Variants in CAB39L observed in about 807,000 individuals in gnomAD.
The protein encoded by CAB39L is calcium binding protein 39 like, also known as calcium-binding protein 39-like.
A neutral mutation model predicts 39.1 loss-of-function variants in CAB39L; 23 were observed. The observed-to-expected ratio is 0.59, with a 90% CI of 0.42 to 0.83. The LOEUF is 0.83. Among genes scored for constraint, CAB39L ranks in the 40% least tolerant of loss-of-function variants. The pLI is 0.00. For missense variants in CAB39L, 366 were observed against 391.9 expected, an observed-to-expected ratio of 0.93 and a Z score of 0.56; for synonymous variants, 126 against 137.2, an observed-to-expected ratio of 0.92 and a Z score of 0.57.
chr13:49,322,751 C>T (rs1189453540), intron 10 of CAB39L, among the ~76,000 whole-genome samples: 2 of 152,200 alleles, frequency 1.3e-5, no homozygotes, highest in Non-Finnish European at 1.5e-5. Flanking sequence ...ACTTCAGACA[C>T]AACCCACTGG....
intron 3 of CAB39L, among the ~76,000 whole-genome samples, chr13:49,402,140 G>A (rs1469647211): frequency 2.0e-5 from 3 of 152,000 alleles, no homozygotes; most frequent in Non-Finnish European, 4.4e-5. Flanking sequence ...TATTGCTGTT[G>A]GAAAGAAGGT....
At chr13:49,376,071 A>T (rs565761764) in intron 5 of CAB39L, among the ~76,000 whole-genome samples, 2 of 152,332 alleles carry the variant, frequency 1.3e-5, no homozygotes, top group South Asian at 4.1e-4. Context: ...ACTTCCACAG[A>T]TCCCCAAAGC....
At chr13:49,381,535 C>T (rs1956253651) in intron 4 of CAB39L, among the ~76,000 whole-genome samples, 1 of 152,110 alleles carries the variant, frequency 6.6e-6, no homozygotes, top group South Asian at 2.1e-4. Flanking sequence ...TCTTATTATT[C>T]CTATTTTATA....
In CAB39L at chr13:49,364,243, T is replaced by G. The variant is rs568131300; in HGVS notation, c.277-4411A>C. Among the ~76,000 whole-genome samples, 15 of 152,340 alleles carry G rather than the reference T, an allele frequency of 9.8e-5. No individual in the cohort carries two copies. The Middle Eastern group carries it at 0.01, about 104-fold the overall frequency. On this transcript the variant is annotated intron_variant, in intron 5 of 10. Coordinates refer to ENST00000409308, the MANE Select transcript of CAB39L (RefSeq NM_001079670.3). ...AATAGCAGATCTTAGACCTGGGACA[T>G]GATAACTTTTACCACTGTTACTCAA... is the stretch of plus-strand genomic sequence containing the variant.
intron 10 of CAB39L, among the ~76,000 whole-genome samples, chr13:49,327,817 C>T (rs557950402): frequency 3.9e-5 from 6 of 152,308 alleles, no homozygotes; most frequent in Admixed American, 2.0e-4. Flanking sequence ...AATTTATTTT[C>T]CCAGTCTCCC....
chr13:49,372,712 C>A (rs934795595), intron 5 of CAB39L, among the ~76,000 whole-genome samples: 1 of 152,128 alleles, frequency 6.6e-6, no homozygotes, highest in African/African-American at 2.4e-5. Flanking sequence ...GCTCTGTCGC[C>A]CAGTCTGGAG....
chr13:49,393,695 A>AC (rs1245113807), intron 3 of CAB39L, among the ~76,000 whole-genome samples: 1 of 151,980 alleles, frequency 6.6e-6, no homozygotes, highest in Non-Finnish European at 1.5e-5. Context: ...GTTAAAAAAA[A>AC]CACTCTATTT....
intron 9 of CAB39L, among the ~76,000 whole-genome samples, chr13:49,339,422 T>C (rs1954939987): frequency 6.6e-6 from 1 of 152,222 alleles, no homozygotes; most frequent in African/African-American, 2.4e-5. Context: ...TAAGCCAAGA[T>C]GCCTGGCCTC....
chr13:49,396,651 T>C (rs1413516663), intron 3 of CAB39L, among the ~76,000 whole-genome samples: 1 of 151,966 alleles, frequency 6.6e-6, no homozygotes, highest in African/African-American at 2.4e-5. Flanking sequence ...GAGGTTGCAG[T>C]GAGCCAAGAT....
rs147495942 is a variant in CAB39L at position 49,337,175 on chromosome 13, C to T, written c.690+2502G>A. Among the ~76,000 whole-genome samples, 12 of 152,260 alleles carry T rather than the reference C, an allele frequency of 7.9e-5. No individual in the cohort carries two copies. The South Asian group carries it at 1.7e-3, about 21-fold the overall frequency. ...ATTGTCTTAGTTTAAAATTATACTC[C>T]AAATTTAGAAGCAAATGCATTGTTC... On this transcript the variant is annotated intron_variant, in intron 9 of 10. Transcript: ENST00000409308.
chr13:49,395,551 A>G (rs1031319583), intron 3 of CAB39L, among the ~76,000 whole-genome samples: 6 of 152,052 alleles, frequency 3.9e-5, no homozygotes, highest in Non-Finnish European at 8.8e-5. Flanking sequence ...TTTTCAAAGC[A>G]TTATTCAAAC....
intron 10 of CAB39L, among the ~76,000 whole-genome samples, chr13:49,326,429 T>C (rs893383863): frequency 1.3e-5 from 2 of 152,160 alleles, no homozygotes; most frequent in Non-Finnish European, 2.9e-5. Context: ...CCCACCACAC[T>C]ATCCTGCTCA....
At chr13:49,378,417 G>A (rs1594021537) in intron 4 of CAB39L, among the ~76,000 whole-genome samples, 1 of 67,150 alleles carries the variant, frequency 1.5e-5, no homozygotes, top group South Asian at 5.4e-4. Context: ...AGGTGGGGGG[G>A]TCAGCCCCCC....
chr13:49,398,529 T>C (rs910407037), intron 3 of CAB39L, among the ~76,000 whole-genome samples: 10 of 152,044 alleles, frequency 6.6e-5, no homozygotes, highest in Non-Finnish European at 1.2e-4. Flanking sequence ...TTAGGACCAC[T>C]CAAAATCATT....
In CAB39L at chr13:49,430,932, C is replaced by G. The variant is rs77024311; in HGVS notation, c.-32+2386G>C. On this transcript the variant is annotated intron_variant, in intron 3 of 10. Transcript: ENST00000409308. The stretch of plus-strand genomic sequence containing the variant: ...TCCAAATAGAAACTCAATCTGCAAG[C>G]CTTTCACATGAATTATTATCAAGAC... 7.0e-4 allele frequency among the ~76,000 whole-genome samples: 106 copies of G among 152,310 alleles called. No individual in the cohort carries two copies. The East Asian group carries it at 0.019, about 27-fold the overall frequency.
At chr13:49,434,396 C>CAT (rs986325388) in intron 1 of CAB39L, among the ~76,000 whole-genome samples, 173 bp from the exon 2 acceptor site, 15 of 151,996 alleles carry the variant, frequency 9.9e-5, no homozygotes, top group Admixed American at 2.0e-4. Context: ...AATGATATAG[C>CAT]ATATATATAT....
chr13:49,346,100 G>GATATATATATATATATATATGCTAGATAT (rs1955156158), intron 7 of CAB39L, among the ~76,000 whole-genome samples: 1 of 30,946 alleles, frequency 3.2e-5, no homozygotes, highest in African/African-American at 1.4e-4. Flanking sequence ...ATATATGCTA[G>GATATATATATATATATATATGCTAGATAT]ATATATATAT....
chr13:49,403,120 T>C (rs1594063383), intron 3 of CAB39L, among the ~76,000 whole-genome samples: 1 of 152,254 alleles, frequency 6.6e-6, no homozygotes, highest in East Asian at 1.9e-4. Context: ...TTAAAACATA[T>C]AATTACTAAG....
chr13:49,392,004 GAAACA>G (rs1956498386), intron 3 of CAB39L, among the ~76,000 whole-genome samples: 1 of 150,826 alleles, frequency 6.6e-6, no homozygotes, highest in African/African-American at 2.4e-5. Flanking sequence ...AGCCATAATA[GAAACA>G]AAACGACACA....
Sources: gnomAD v4.1 joint callset for allele counts (sites outside exome capture counted in the v4.1 genomes callset) on GRCh38, gnomAD v4.1.1 for gene constraint, MANE v1.5 for transcripts, NCBI Gene and HGNC (gene_info 2026-07-23, HGNC 2026-07-21) for gene names.